Variants in GRK3 observed in about 807,000 individuals in gnomAD.
GRK3 encodes the protein adrenergic, beta, receptor kinase 2.
A neutral mutation model predicts 95.7 loss-of-function variants in GRK3; 54 were observed. The observed-to-expected ratio is 0.56, with a 90% CI of 0.45 to 0.71. The LOEUF (loss-of-function observed/expected upper bound fraction) is 0.71. Among genes scored for constraint, GRK3 ranks in the 30% least tolerant of loss-of-function variants. GRK3 has a pLI of 0.00. For synonymous variants in GRK3, 281 were observed against 290.8 expected, an observed-to-expected ratio of 0.97 and a Z score of 0.34; for missense variants, 649 against 851.2, an observed-to-expected ratio of 0.76 and a Z score of 2.96.
chr22:25,659,359 G>A lies in GRK3; in HGVS notation c.265-2217G>A, dbSNP rs148347539. 7.9e-5 allele frequency among the ~76,000 whole-genome samples: 12 copies of A among 152,304 alleles called. No homozygotes were observed. In the East Asian group the frequency reaches 2.3e-3, roughly 29 times the overall value. On this transcript the variant is annotated intron_variant, in intron 3 of 20. Coordinates refer to ENST00000324198, the MANE Select transcript of GRK3 (RefSeq NM_005160.4). ...TTCACTAGACCATCTCACTACAATG[G>A]TGGTGGAACAAAGGGTGGGCGCAGA...
At chr22:25,642,640 C>T (rs1305573394) in intron 2 of GRK3, among the ~76,000 whole-genome samples, 2 of 152,086 alleles carry the variant, frequency 1.3e-5, no homozygotes, top group East Asian at 3.9e-4. Flanking sequence ...TTTGGAGTTT[C>T]CAGTGTCTAT....
chr22:25,650,255 C>A (rs2084820173), intron 3 of GRK3, among the ~76,000 whole-genome samples: 1 of 152,126 alleles, frequency 6.6e-6, no homozygotes, highest in South Asian at 2.1e-4. Flanking sequence ...GTTGTCCAGT[C>A]TGGTTTCGAA....
At chr22:25,688,051 A>G (rs965145451) in intron 11 of GRK3, among the ~76,000 whole-genome samples, 15 of 152,104 alleles carry the variant, frequency 9.9e-5, no homozygotes, top group Non-Finnish European at 2.2e-4. Context: ...CCTGGCTAAC[A>G]CAGTGAAACC....
intron 15 of GRK3, among the ~76,000 whole-genome samples, chr22:25,707,287 A>G (rs567486288): frequency 3.2e-4 from 49 of 152,374 alleles, no homozygotes; most frequent in Non-Finnish European, 6.9e-4. Context: ...TATTTAGCTT[A>G]TCACATTTAA....
At chr22:25,582,165 T>C (rs1384925443) in intron 1 of GRK3, among the ~76,000 whole-genome samples, 3 of 152,050 alleles carry the variant, frequency 2.0e-5, no homozygotes, top group African/African-American at 7.2e-5. Context: ...TAATCCCAGC[T>C]ACTCAGGAGG....
At chr22:25,666,264 CAT>C (rs2084941132) in intron 5 of GRK3, among the ~76,000 whole-genome samples, 1 of 152,186 alleles carries the variant, frequency 6.6e-6, no homozygotes, top group African/African-American at 2.4e-5. Context: ...TATTAATTGA[CAT>C]AATAGCTTTT....
At position 25,656,474 on chromosome 22, in the gene GRK3, C is replaced by A. The variant is rs1015093368; in HGVS notation, c.265-5102C>A. ...TTAGATAACAGGGTGTACCACCACA[C>A]CCAGATACTTTTTTTTTAATTTTAA... On this transcript the variant is annotated intron_variant, in intron 3 of 20. Transcript: ENST00000324198. 2.3e-4 allele frequency among the ~76,000 whole-genome samples: 35 copies of A among 152,028 alleles called. 1 individual carries two copies. Among genetic ancestry groups the A allele is most frequent in the Admixed American group, 2.2e-3 (33 of 15,256 alleles).
At chr22:25,614,214 A>G (rs1422406561) in intron 2 of GRK3, among the ~76,000 whole-genome samples, 1 of 152,030 alleles carries the variant, frequency 6.6e-6, no homozygotes, top group South Asian at 2.1e-4. Flanking sequence ...TGCAGCCTCA[A>G]CCTCCTGGGC....
chr22:25,617,879 C>T (rs951148879), intron 2 of GRK3, among the ~76,000 whole-genome samples: 6 of 152,110 alleles, frequency 3.9e-5, no homozygotes, highest in African/African-American at 1.2e-4. Context: ...TGGGTTCAAG[C>T]GATTCTCGTA....
intron 8 of GRK3, among the ~76,000 whole-genome samples, chr22:25,677,406 AG>A (rs1161684068): frequency 1.4e-5 from 2 of 147,344 alleles, no homozygotes; most frequent in Admixed American, 6.7e-5. Context: ...AAAAAAGAAA[AG>A]GAAAAAAAAA....
At chr22:25,648,603 C>T in intron 3 of GRK3, 1 of 1,166,390 alleles carries the variant, frequency 8.6e-7, no homozygotes, top group Non-Finnish European at 1.3e-6. Flanking sequence ...TAAACTTGTT[C>T]CACTATATGC....
At chr22:25,596,516 A>T (rs2084373572) in intron 1 of GRK3, among the ~76,000 whole-genome samples, 1 of 152,252 alleles carries the variant, frequency 6.6e-6, no homozygotes, top group African/African-American at 2.4e-5. Flanking sequence ...AAAAAAATTT[A>T]AAATTATCAT....
At chr22:25,684,796 C>T (rs925084818) in intron 9 of GRK3, among the ~76,000 whole-genome samples, 1 of 152,122 alleles carries the variant, frequency 6.6e-6, no homozygotes, top group Non-Finnish European at 1.5e-5. Flanking sequence ...TATTATGTAA[C>T]CAGCTCCATT....
At chr22:25,698,634 C>T (rs1389963998) in intron 13 of GRK3, among the ~76,000 whole-genome samples, 4 of 152,118 alleles carry the variant, frequency 2.6e-5, no homozygotes, top group South Asian at 4.1e-4. Context: ...GGGAGGACCT[C>T]GGATGCAGTG....
intron 13 of GRK3, among the ~76,000 whole-genome samples, chr22:25,699,689 C>CT (rs1413894615): frequency 6.7e-6 from 1 of 148,616 alleles, no homozygotes; most frequent in Non-Finnish European, 1.5e-5. Context: ...CTTTTCTTTT[C>CT]TTTTCTTTTC....
rs1481499823 is a variant in GRK3, at chr22:25,726,907, C to T, written c.*4457C>T. On this transcript the variant is annotated 3_prime_UTR_variant, in exon 21 of 21. Transcript: ENST00000324198. ...AAGCATTACCAGGCCATCTCCAAAA[C>T]ACCCCGTGTGTGTGTGTGTGTGTGT... 3.7e-5 allele frequency: 5 copies of T among 135,464 alleles called. No individual in the cohort carries two copies. In the Admixed American group the frequency reaches 3.9e-4, roughly 11 times the overall value. 8.4% of individuals were successfully genotyped at this position (135,464 alleles called of 1,614,324 possible). A position where few individuals can be genotyped will look rare whatever the true frequency, so the allele number is the denominator to read the frequency against.
chr22:25,595,980 C>T (rs1015740385), intron 1 of GRK3, among the ~76,000 whole-genome samples: 8 of 151,892 alleles, frequency 5.3e-5, no homozygotes, highest in African/African-American at 9.7e-5. Context: ...CACATGTATA[C>T]GTGTATATAT....
At position 25,690,183 on chromosome 22, in the gene GRK3, G is replaced by A. The variant is rs1485203340; in HGVS notation, c.958-6G>A. 7 of 1,611,238 alleles carry A rather than the reference G, an allele frequency of 4.3e-6. No individual in the cohort carries two copies. The highest frequency in any genetic ancestry group is 1.3e-5 in the African/African-American group (1 of 74,866). ...TCTTATTAAAGATTATTCTCTTTCT[G>A]TTTAGCCAGCAAATATTCTCTTGGA... On this transcript the variant is annotated splice_region_variant and splice_polypyrimidine_tract_variant and intron_variant, in intron 11 of 20. Transcript: ENST00000324198.
Position 25,661,577 on chromosome 22 carries a change from T to C in GRK3, c.266T>C (p.Ile89Thr). The change falls in exon 4 of 21, where the codon ATA becomes ACA. Residue 89 changes from isoleucine to threonine, a missense_variant and splice_region_variant. By Grantham distance (89) the Ile-to-Thr change is moderately conservative (BLOSUM62 -1). Coordinates refer to ENST00000324198, the MANE Select transcript of GRK3 (RefSeq NM_005160.4). ...AVPQVKFYEEIKEYEKLDNEE... is the reference protein window; with the variant it reads ...AVPQVKFYEETKEYEKLDNEE... ...CAATGATAACTTTAAAAAACCTAGA[T>C]AAAGGAATATGAAAAACTTGATAAT... The C allele has an allele frequency of 6.2e-7, 1 of 1,602,572 alleles. No individual in the cohort carries two copies. The highest frequency in any genetic ancestry group is 8.5e-7 in the Non-Finnish European group (1 of 1,171,004).
Sources: gnomAD v4.1 joint callset for allele counts (sites outside exome capture counted in the v4.1 genomes callset) on GRCh38, gnomAD v4.1.1 for gene constraint, MANE v1.5 for transcripts, NCBI Gene and HGNC (gene_info 2026-07-23, HGNC 2026-07-21) for gene names.